The following LRRTM3 variants were observed in gnomAD, a reference collection of about 807,000 sequenced individuals.
LRRTM3 encodes leucine-rich repeat transmembrane neuronal protein 3.
A neutral mutation model predicts 44.7 loss-of-function variants in LRRTM3; 24 were observed. The observed-to-expected ratio is 0.54, with a 90% CI of 0.39 to 0.76. The LOEUF (loss-of-function observed/expected upper bound fraction) is 0.76, where lower values mean the gene tolerates loss of function less well. Among genes scored for constraint, LRRTM3 ranks in the 30% least tolerant of loss-of-function variants. The pLI is 0.00. For missense variants in LRRTM3, 587 were observed against 702.2 expected (o/e 0.84, Z 1.85); for synonymous variants, 277 against 278.7 (o/e 0.99, Z 0.06).
chr10:66,951,478 G>A (rs768290461), intron 2 of LRRTM3, among the ~76,000 whole-genome samples: 3 of 152,108 alleles, frequency 2.0e-5, no homozygotes, highest in Non-Finnish European at 4.4e-5. Flanking sequence ...GTCCCCTAAC[G>A]TATTTAATTC....
At chr10:66,940,806 T>C (rs1423085896) in intron 2 of LRRTM3, among the ~76,000 whole-genome samples, 1 of 152,244 alleles carries the variant, frequency 6.6e-6, no homozygotes, top group East Asian at 1.9e-4. Context: ...ACTTATCTGA[T>C]CTTCAGTTTG....
chr10:67,030,401 C>G (rs1205723618), intron 2 of LRRTM3, among the ~76,000 whole-genome samples: 1 of 151,948 alleles, frequency 6.6e-6, no homozygotes, highest in Non-Finnish European at 1.5e-5. Flanking sequence ...AAATAGCTCA[C>G]CAGTTAAAAA....
intron 2 of LRRTM3, among the ~76,000 whole-genome samples, chr10:67,078,535 G>A (rs772774419): frequency 6.6e-6 from 1 of 151,188 alleles, no homozygotes; most frequent in Non-Finnish European, 1.5e-5. Flanking sequence ...ATTATTATTT[G>A]AGAAGGAGTC....
At chr10:67,082,505 T>C (rs1857103083) in intron 2 of LRRTM3, among the ~76,000 whole-genome samples, 1 of 152,176 alleles carries the variant, frequency 6.6e-6, no homozygotes, top group Non-Finnish European at 1.5e-5. Context: ...CCATAATCTC[T>C]AGAAATGCAT....
intron 2 of LRRTM3, among the ~76,000 whole-genome samples, chr10:66,996,649 C>CGA (rs71468809): frequency 3.0e-5 from 2 of 67,638 alleles, no homozygotes; most frequent in African/African-American, 5.9e-5. Flanking sequence ...TCCGTCTCTA[C>CGA]AAAAAAAAAA....
intron 2 of LRRTM3, among the ~76,000 whole-genome samples, chr10:67,016,021 C>T (rs1334605916): frequency 7.5e-6 from 1 of 133,930 alleles, no homozygotes; most frequent in Non-Finnish European, 1.7e-5. Flanking sequence ...GCTTTTATTG[C>T]TGTATACTCT....
rs1304936230 is a variant in LRRTM3 at position 67,097,791 on chromosome 10, G to A, written c.1741G>A (p.Ala581Thr). 2 of 1,611,928 alleles carry A rather than the reference G, an allele frequency of 1.2e-6. No homozygotes were observed. Among genetic ancestry groups the A allele is most frequent in the Admixed American group, 3.3e-5 (2 of 59,728 alleles). Residue 581 changes from alanine (A) to threonine (T), a missense_variant, in exon 3 of 3, where the codon GCT becomes ACT. Transcript: ENST00000361320. ...AATCAGTGACCATAAACAGCAGCTAGCTTAACTGAGATCATTGGTAGCCAG... is the reference window on the plus strand; with the variant it reads ...AATCAGTGACCATAAACAGCAGCTAACTTAACTGAGATCATTGGTAGCCAG... ...GRISDHKQQL[A>T]
At chr10:67,025,269 C>A (rs1315004191) in intron 2 of LRRTM3, among the ~76,000 whole-genome samples, 1 of 151,466 alleles carries the variant, frequency 6.6e-6, no homozygotes, top group African/African-American at 2.4e-5. Flanking sequence ...TAACTAAATT[C>A]TGGTATATTT....
intron 2 of LRRTM3, among the ~76,000 whole-genome samples, chr10:66,965,192 T>C (rs1849331047): frequency 6.6e-6 from 1 of 152,090 alleles, no homozygotes; most frequent in South Asian, 2.1e-4. Context: ...TAGGTACTAG[T>C]CTCCTCCAGG....
chr10:67,011,330 G>C (rs1852321642), intron 2 of LRRTM3, among the ~76,000 whole-genome samples: 1 of 135,352 alleles, frequency 7.4e-6, no homozygotes, highest in Middle Eastern at 4.4e-3. Flanking sequence ...CAGAGCAAAA[G>C]TCTGTCTCAA....
intron 2 of LRRTM3, among the ~76,000 whole-genome samples, chr10:66,957,674 T>C (rs962626467): frequency 6.6e-6 from 1 of 151,420 alleles, no homozygotes; most frequent in Non-Finnish European, 1.5e-5. Context: ...TTTGCAAAAA[T>C]GTAGGCCGAC....
chr10:66,928,344 C>A lies in LRRTM3; in HGVS notation c.1428C>A (p.Thr476=). The change falls in exon 2 of 3, where the codon ACC becomes ACA. Residue 476 remains threonine, a synonymous_variant. Coordinates refer to ENST00000361320, the MANE Select transcript of LRRTM3 (RefSeq NM_178011.5). ...CCCTAAAGCAAATGACTCCCAGCAC[C>A]CAGGAATTTTATGTAGATTATAAAC... is the stretch of plus-strand genomic sequence containing the variant. ...RQSLKQMTPS[T]QEFYVDYKPT... 1 of 1,614,092 alleles carries A rather than the reference C, an allele frequency of 6.2e-7. No individual in the cohort carries two copies.
At chr10:67,019,624 C>T (rs1005317721) in intron 2 of LRRTM3, among the ~76,000 whole-genome samples, 2 of 152,078 alleles carry the variant, frequency 1.3e-5, no homozygotes, top group African/African-American at 4.8e-5. Flanking sequence ...GTAATTTGTT[C>T]CAGGTTACAC....
At chr10:67,010,267 T>C (rs1852235792) in intron 2 of LRRTM3, among the ~76,000 whole-genome samples, 1 of 152,226 alleles carries the variant, frequency 6.6e-6, no homozygotes, top group Non-Finnish European at 1.5e-5. Context: ...TAATTGTATG[T>C]AGGCAAATAT....
chr10:67,087,550 AG>A (rs1857374573), intron 2 of LRRTM3, among the ~76,000 whole-genome samples: 1 of 151,878 alleles, frequency 6.6e-6, no homozygotes, highest in Non-Finnish European at 1.5e-5. Flanking sequence ...AATAAAATAA[AG>A]TTTTAAATAA....
chr10:66,949,323 G>A (rs531583769), intron 2 of LRRTM3, among the ~76,000 whole-genome samples: 198 of 152,216 alleles, frequency 1.3e-3, no homozygotes, highest in African/African-American at 4.6e-3. Flanking sequence ...TTGGGAGGCC[G>A]AGGCAGGTGG....
intron 2 of LRRTM3, among the ~76,000 whole-genome samples, chr10:67,063,564 G>A (rs1266900176): frequency 6.6e-6 from 1 of 152,186 alleles, no homozygotes; most frequent in Non-Finnish European, 1.5e-5. Flanking sequence ...GATATGAAGT[G>A]GCTCCAATGA....
intron 2 of LRRTM3, among the ~76,000 whole-genome samples, chr10:67,040,833 A>G (rs573096722): frequency 6.6e-6 from 1 of 152,154 alleles, no homozygotes; most frequent in Non-Finnish European, 1.5e-5. Flanking sequence ...ATAAGCACAC[A>G]TCAGTTCAAC....
intron 2 of LRRTM3, among the ~76,000 whole-genome samples, chr10:66,943,757 C>T (rs1848143714): frequency 6.6e-6 from 1 of 152,100 alleles, no homozygotes; most frequent in African/African-American, 2.4e-5. Context: ...CCATAAAGTG[C>T]ATATCGCAAT....
Sources: allele counts gnomAD v4.1 joint callset (sites outside exome capture counted in the v4.1 genomes callset), GRCh38; gene constraint gnomAD v4.1.1; transcripts MANE v1.5; gene names NCBI Gene and HGNC (gene_info 2026-07-23, HGNC 2026-07-21).